The following MYH7B variants were observed in gnomAD, a reference collection of about 807,000 sequenced individuals.
The protein encoded by MYH7B is myosin heavy chain 7B.
A neutral mutation model predicts 234.5 loss-of-function variants in MYH7B; 205 were observed. That is an observed-to-expected ratio of 0.87 (90% CI 0.78 to 0.98). MYH7B has a LOEUF of 0.98. Ranked by LOEUF, MYH7B falls within the 50% of genes least tolerant of loss-of-function variation. The pLI is 0.00. For missense variants in MYH7B, 2,652 were observed against 2,633.4 expected (o/e 1.01, Z -0.15); for synonymous variants, 1,193 against 1,105.0 (o/e 1.08, Z -1.58).
chr20:34,996,295 G>A (rs373731439), intron 28 of MYH7B, 51 bp from the exon 29 acceptor site: 82 of 1,539,692 alleles, frequency 5.3e-5, no homozygotes, highest in African/African-American at 2.2e-4. Flanking sequence ...TGTGGTGGCC[G>A]CTCAGAGTGC....
intron 9 of MYH7B, 52 bp downstream of exon 9, chr20:34,981,112 AAG>A (rs1256275653): frequency 6.2e-7 from 1 of 1,606,770 alleles, no homozygotes; most frequent in African/African-American, 1.3e-5. Context: ...ATCTGGCAGA[AAG>A]AGGGCGGTAC....
At chr20:34,997,093 G>GAGCTGAGCC (rs1569058769) in exon 31 of MYH7B, 11 of 1,548,604 alleles carry the variant, frequency 7.1e-6, no homozygotes, top group Non-Finnish European at 9.6e-6. Flanking sequence ...GAAGGACTCC[G>GAGCTGAGCC]AGCTGAGCCA....
exon 39 of MYH7B, chr20:35,000,485 GGAGGAGCAGGCAGGGCGGGAC>G (rs1437788148): frequency 1.9e-6 from 3 of 1,600,916 alleles, no homozygotes; most frequent in Admixed American, 3.3e-5. Context: ...CACAGCTCAA[GGAGGAGCAGGCAGGGCGGGAC>G]GAGGAGCAGC....
chr20:34,996,523 G>T lies in MYH7B; in HGVS notation c.3120+1G>T. On this transcript the variant is annotated splice_donor_variant, in intron 29 of 44. Coordinates refer to ENST00000262873, the Ensembl canonical transcript of MYH7B. LOFTEE classifies it high-confidence loss of function. ...CCGGCTGGAGCAACAGGTGGAGGACGTGAGTCAGGGCCACCCCGAGACTGG... is the reference window on the plus strand; with the variant it reads ...CCGGCTGGAGCAACAGGTGGAGGACTTGAGTCAGGGCCACCCCGAGACTGG... 1 of 1,609,858 alleles carries T rather than the reference G, an allele frequency of 6.2e-7. No homozygotes were observed. Among genetic ancestry groups the T allele is most frequent in the Non-Finnish European group, 8.5e-7 (1 of 1,178,096 alleles).
intron 2 of MYH7B, among the ~76,000 whole-genome samples, chr20:34,965,838 A>G (rs1394148324): frequency 6.6e-6 from 1 of 152,150 alleles, no homozygotes; most frequent in Non-Finnish European, 1.5e-5. Context: ...TTTAGTTGTA[A>G]ACTCTCAGAA....
chr20:34,995,676 C>T (rs2082243760), intron 28 of MYH7B, 98 bp downstream of exon 28: 1 of 1,522,598 alleles, frequency 6.6e-7, no homozygotes, highest in Non-Finnish European at 8.8e-7. Context: ...TAAGCCTCTG[C>T]TTTCTGGCCC....
exon 6 of MYH7B, chr20:34,979,398 C>A: frequency 6.2e-7 from 1 of 1,612,492 alleles, no homozygotes; most frequent in Non-Finnish European, 8.5e-7. Flanking sequence ...AGGGAAGAAG[C>A]GAGTCTGGGT....
Position 34,998,609 on chromosome 20 carries a change from C to T in MYH7B, c.3973C>T (p.Gln1325Ter), listed in dbSNP as rs758138812. The T allele has an allele frequency of 6.2e-7, 1 of 1,613,290 alleles. No homozygotes were observed. The highest frequency in any genetic ancestry group is 1.1e-5 in the South Asian group (1 of 91,080). ...CCAAAGCCTGGAAGAGTTGCGGCGCCAGCTAGAGGAGGAAAGCAAGGTGGG... is the reference window on the plus strand; with the variant it reads ...CCAAAGCCTGGAAGAGTTGCGGCGCTAGCTAGAGGAGGAAAGCAAGGTGGG... Residue 1325 changes from glutamine to a stop codon, truncating the protein, a stop_gained, in exon 34 of 45, where the codon CAG becomes TAG. Transcript: ENST00000262873. LOFTEE classifies it high-confidence loss of function.
exon 27 of MYH7B, chr20:34,994,339 C>T: frequency 6.2e-7 from 1 of 1,607,372 alleles, no homozygotes; most frequent in Non-Finnish European, 8.5e-7. Flanking sequence ...GCGCCAGGAA[C>T]TGGAGGAGAC....
intron 14 of MYH7B, 78 bp from the exon 15 acceptor site, chr20:34,986,808 C>T (rs1280327080): frequency 3.3e-5 from 40 of 1,224,200 alleles, no homozygotes; most frequent in Non-Finnish European, 4.5e-5. Flanking sequence ...CCCGCAGGAC[C>T]CCCTATGCTG....
At chr20:34,977,980 T>C in exon 5 of MYH7B, 1 of 1,614,008 alleles carries the variant, frequency 6.2e-7, no homozygotes, top group South Asian at 1.1e-5. Context: ...TTCCAGCTCC[T>C]CCTCCTTCAC....
intron 2 of MYH7B, among the ~76,000 whole-genome samples, chr20:34,967,912 T>A (rs2081758134): frequency 6.6e-6 from 1 of 152,198 alleles, no homozygotes; most frequent in Non-Finnish European, 1.5e-5. Context: ...TGGGCCCCAC[T>A]AAGACCTCTC....
At chr20:34,960,168 A>G (rs2081679726) in intron 2 of MYH7B, among the ~76,000 whole-genome samples, 2 of 152,152 alleles carry the variant, frequency 1.3e-5, no homozygotes, top group Admixed American at 6.5e-5. Flanking sequence ...ATGGAGGCCA[A>G]TCCCTTAATT....
chr20:34,959,720 G>A (rs2081674708), intron 2 of MYH7B, among the ~76,000 whole-genome samples: 1 of 152,040 alleles, frequency 6.6e-6, no homozygotes, highest in Admixed American at 6.6e-5. Flanking sequence ...CTCGTGATCT[G>A]CCTGCCTCAG....
At chr20:34,959,512 C>T (rs1160317362) in intron 2 of MYH7B, among the ~76,000 whole-genome samples, 2 of 148,658 alleles carry the variant, frequency 1.3e-5, no homozygotes, top group South Asian at 2.1e-4. Context: ...GAGTCTCTCT[C>T]TGTCACCCAG....
At chr20:34,965,359 G>C (rs1298588630) in intron 2 of MYH7B, among the ~76,000 whole-genome samples, 2 of 152,250 alleles carry the variant, frequency 1.3e-5, no homozygotes, top group African/African-American at 4.8e-5. Context: ...CCCAGGCTTG[G>C]GTGAGAAACA....
exon 45 of MYH7B, chr20:35,002,277 GC>G (rs1206068167): frequency 4.2e-6 from 6 of 1,414,042 alleles, no homozygotes; most frequent in Non-Finnish European, 5.7e-6. Context: ...TCTCTGCATC[GC>G]CCCCTGCTGC....
chr20:34,997,514 G>C, exon 32 of MYH7B: 1 of 1,597,664 alleles, frequency 6.3e-7, no homozygotes, highest in South Asian at 1.1e-5. Flanking sequence ...CGGAGGGCGC[G>C]GCGGAGCTGG....
intron 2 of MYH7B, among the ~76,000 whole-genome samples, chr20:34,974,553 A>G (rs1359391479): frequency 7.9e-5 from 12 of 152,146 alleles, no homozygotes; most frequent in Admixed American, 7.9e-4. Flanking sequence ...TCTCAGCCCC[A>G]GGTTCATACA....
Sources: allele counts gnomAD v4.1 joint callset (sites outside exome capture counted in the v4.1 genomes callset), GRCh38; gene constraint gnomAD v4.1.1; transcripts MANE v1.5; gene names NCBI Gene and HGNC (gene_info 2026-07-23, HGNC 2026-07-21).